GTF2E2: variants seen among roughly 807,000 people sequenced by gnomAD.
GTF2E2 encodes the protein general transcription factor IIE subunit 2.
Under a neutral mutation model 40.5 loss-of-function variants are expected in GTF2E2, and 21 were observed. The observed-to-expected ratio is 0.52, with a 90% CI of 0.37 to 0.75. The LOEUF is 0.75. Among genes scored for constraint, GTF2E2 ranks in the 30% least tolerant of loss-of-function variants. The pLI is 0.00. For synonymous variants in GTF2E2, 117 were observed against 121.6 expected, an observed-to-expected ratio of 0.96 and a Z score of 0.25; for missense variants, 298 against 338.4, an observed-to-expected ratio of 0.88 and a Z score of 0.94.
Position 30,621,384 on chromosome 8 carries a change from C to A in GTF2E2, c.259-6669G>T, listed in dbSNP as rs554066174. ...GTAAACACAGAAGCCAAAAATCCAA[C>A]TATCAAGTTGCTAAGGGGAAGCTAC... On this transcript the variant is annotated intron_variant, in intron 3 of 7. Coordinates refer to ENST00000355904, the MANE Select transcript of GTF2E2 (RefSeq NM_002095.6). Among the ~76,000 whole-genome samples, 99 of 152,210 alleles carry A rather than the reference C, an allele frequency of 6.5e-4. 1 individual carries two copies. Among genetic ancestry groups the A allele is most frequent in the African/African-American group, 2.3e-3 (97 of 41,484 alleles).
chr8:30,652,098 G>C (rs1249686468), intron 2 of GTF2E2, among the ~76,000 whole-genome samples: 2 of 151,910 alleles, frequency 1.3e-5, no homozygotes, highest in East Asian at 1.9e-4. Context: ...CTAAATGCAG[G>C]AGCTAAAACT....
intron 7 of GTF2E2, 68 bp downstream of exon 7, chr8:30,580,213 G>T: frequency 1.2e-6 from 1 of 852,588 alleles, no homozygotes; most frequent in Non-Finnish European, 2.0e-6. Flanking sequence ...TCTTCAGAGG[G>T]CAGAAAGCGG....
At chr8:30,632,427 G>T (rs1585986671) in intron 3 of GTF2E2, among the ~76,000 whole-genome samples, 1 of 152,120 alleles carries the variant, frequency 6.6e-6, no homozygotes, top group South Asian at 2.1e-4. Flanking sequence ...GTTATGGCTA[G>T]TTGGTTTGAC....
At chr8:30,649,556 A>T (rs1383648925) in intron 2 of GTF2E2, among the ~76,000 whole-genome samples, 1 of 152,194 alleles carries the variant, frequency 6.6e-6, no homozygotes, top group South Asian at 2.1e-4. Flanking sequence ...TCAGAAATGA[A>T]AGAGGACACT....
intron 6 of GTF2E2, among the ~76,000 whole-genome samples, chr8:30,587,760 T>A (rs1388361311): frequency 6.6e-6 from 1 of 150,598 alleles, no homozygotes; most frequent in Non-Finnish European, 1.5e-5. Flanking sequence ...TAATTCCAGC[T>A]ACTTGGGAGG....
intron 5 of GTF2E2, among the ~76,000 whole-genome samples, chr8:30,608,753 G>A (rs1326542303): frequency 6.6e-6 from 1 of 152,142 alleles, no homozygotes; most frequent in Non-Finnish European, 1.5e-5. Flanking sequence ...TTGGGGTCAG[G>A]AGTTTGTTTG....
intron 7 of GTF2E2, among the ~76,000 whole-genome samples, chr8:30,579,371 A>G (rs912047180): frequency 1.3e-5 from 2 of 152,240 alleles, no homozygotes; most frequent in East Asian, 3.8e-4. Context: ...ACCATTACCG[A>G]TTTTAAAAAG....
chr8:30,630,796 A>G (rs991608518), intron 3 of GTF2E2, among the ~76,000 whole-genome samples: 1 of 152,140 alleles, frequency 6.6e-6, no homozygotes, highest in Non-Finnish European at 1.5e-5. Flanking sequence ...TGTCTTTTCC[A>G]GTCACATATT....
intron 3 of GTF2E2, among the ~76,000 whole-genome samples, chr8:30,620,165 C>T (rs928837794): frequency 6.6e-6 from 1 of 151,866 alleles, no homozygotes; most frequent in Non-Finnish European, 1.5e-5. Context: ...TGGAAGATAA[C>T]CAATTTCTGT....
chr8:30,653,681 G>C (rs1013463290), intron 1 of GTF2E2, 79 bp from the exon 2 acceptor site: 8 of 964,758 alleles, frequency 8.3e-6, no homozygotes, highest in Non-Finnish European at 7.9e-6. Context: ...ATCTCAACAA[G>C]TTACTTCCCA....
At chr8:30,651,750 C>T (rs1802285647) in intron 2 of GTF2E2, among the ~76,000 whole-genome samples, 1 of 152,154 alleles carries the variant, frequency 6.6e-6, no homozygotes. Context: ...AAAATTTATG[C>T]AGAAAAACTA....
At chr8:30,596,929 T>C (rs1372742673) in intron 6 of GTF2E2, 3 of 152,326 alleles carry the variant, frequency 2.0e-5, no homozygotes, top group African/African-American at 7.2e-5. Context: ...CCAGAGGATG[T>C]TTTCCTCAGT....
chr8:30,618,879 A>G (rs573743010), intron 3 of GTF2E2, among the ~76,000 whole-genome samples: 2 of 152,302 alleles, frequency 1.3e-5, no homozygotes, highest in South Asian at 4.1e-4. Flanking sequence ...CTGAGTTTAA[A>G]AGGTATAAGA....
chr8:30,650,594 C>T (rs1011759374), intron 2 of GTF2E2, among the ~76,000 whole-genome samples: 8 of 151,860 alleles, frequency 5.3e-5, no homozygotes, highest in Non-Finnish European at 1.2e-4. Flanking sequence ...CTCAGCTACC[C>T]GGGAGACTGA....
intron 5 of GTF2E2, among the ~76,000 whole-genome samples, chr8:30,610,443 C>CAAAA (rs34094808): frequency 2.2e-5 from 2 of 89,470 alleles, no homozygotes; most frequent in African/African-American, 5.0e-5. Flanking sequence ...GACTCTGTCT[C>CAAAA]AAAAAAAAAA....
At chr8:30,621,785 AC>A (rs1359211770) in intron 3 of GTF2E2, among the ~76,000 whole-genome samples, 2 of 151,926 alleles carry the variant, frequency 1.3e-5, no homozygotes, top group Non-Finnish European at 2.9e-5. Context: ...CTGTGGTTTT[AC>A]TTCTTCCTTT....
intron 3 of GTF2E2, among the ~76,000 whole-genome samples, chr8:30,625,312 G>A (rs1008309010): frequency 7.9e-5 from 12 of 151,986 alleles, no homozygotes; most frequent in African/African-American, 1.7e-4. Flanking sequence ...GCTGGATTAC[G>A]TTTATTGACT....
intron 6 of GTF2E2, among the ~76,000 whole-genome samples, chr8:30,586,379 T>C (rs561229493): frequency 3.3e-5 from 5 of 152,292 alleles, no homozygotes; most frequent in African/African-American, 1.2e-4. Context: ...AAAGAGACTT[T>C]GGTGACTAAG....
intron 5 of GTF2E2, among the ~76,000 whole-genome samples, chr8:30,607,893 G>T (rs763508290): frequency 6.6e-6 from 1 of 152,124 alleles, no homozygotes; most frequent in Admixed American, 6.6e-5. Context: ...ATAGAAGAAT[G>T]ATTAAATCAC....
Sources: allele counts gnomAD v4.1 joint callset (sites outside exome capture counted in the v4.1 genomes callset), GRCh38; gene constraint gnomAD v4.1.1; transcripts MANE v1.5; gene names NCBI Gene and HGNC (gene_info 2026-07-23, HGNC 2026-07-21).